The following GMDS variants were observed in gnomAD, a reference collection of about 807,000 sequenced individuals.
The protein encoded by GMDS is GDP-mannose 4,6-dehydratase.
A neutral mutation model predicts 49.9 loss-of-function variants in GMDS; 20 were observed. The ratio of observed to expected loss-of-function variants is 0.40; its 90% confidence interval spans 0.28 to 0.58. GMDS has a LOEUF of 0.58. Ranked by LOEUF, GMDS falls within the 20% of genes least tolerant of loss-of-function variation. The pLI, the probability that GMDS is intolerant of heterozygous loss-of-function variation, is 0.42. For synonymous variants in GMDS, 177 were observed against 178.6 expected (o/e 0.99, Z 0.07); for missense variants, 362 against 481.4 (o/e 0.75, Z 2.32).
At chr6:1,738,000 A>AC (rs372280444) in intron 8 of GMDS, among the ~76,000 whole-genome samples, 15 of 134,564 alleles carry the variant, frequency 1.1e-4, no homozygotes, top group African/African-American at 4.4e-4. Context: ...AACACACCAC[A>AC]CACACAGACA....
intron 8 of GMDS, among the ~76,000 whole-genome samples, chr6:1,739,596 C>T (rs1170536130): frequency 1.3e-5 from 2 of 152,254 alleles, no homozygotes; most frequent in East Asian, 3.8e-4. Flanking sequence ...AGCGACAGGT[C>T]TAGGGATAAC....
intron 1 of GMDS, among the ~76,000 whole-genome samples, chr6:2,159,290 T>C (rs573735118): frequency 6.6e-6 from 1 of 152,088 alleles, no homozygotes; most frequent in Non-Finnish European, 1.5e-5. Context: ...TCCCAAAAAT[T>C]TAACTGCTAA....
At chr6:1,729,752 T>A (rs9328068) in intron 8 of GMDS, among the ~76,000 whole-genome samples, 3 of 152,284 alleles carry the variant, frequency 2.0e-5, no homozygotes, top group East Asian at 3.9e-4. Flanking sequence ...CGAATTGAGA[T>A]CAACAGCTCA....
intron 6 of GMDS, chr6:1,952,154 C>T (rs1307507216): frequency 4.9e-6 from 1 of 205,418 alleles, no homozygotes; most frequent in African/African-American, 2.4e-5. Context: ...ATGAAAGAAG[C>T]TTTAAATTCC....
chr6:1,702,613 C>A lies in GMDS; in HGVS notation c.987+23803G>T, dbSNP rs150097563. Among the ~76,000 whole-genome samples, 945 of 152,316 alleles carry A rather than the reference C, an allele frequency of 6.2e-3. 10 individuals carry two copies. Among genetic ancestry groups the A allele is most frequent in the African/African-American group, 0.022 (906 of 41,572 alleles). ...GCCACCACGTTGTCCCTCTGTGGGT[C>A]CCCCAGCTGTGGTGGCATTAATACT... On this transcript the variant is annotated intron_variant, in intron 9 of 10. Transcript: ENST00000380815.
chr6:1,723,313 A>T lies in GMDS; in HGVS notation c.987+3103T>A, dbSNP rs114065410. Among the ~76,000 whole-genome samples, 6 of 71,536 alleles carry T rather than the reference A, an allele frequency of 8.4e-5. 1 individual carries two copies. The highest frequency in any genetic ancestry group is 2.7e-4 in the African/African-American group (6 of 22,106). 46.9% of individuals were successfully genotyped at this position (71,536 alleles called of 152,430 possible). A position where few individuals can be genotyped will look rare whatever the true frequency, so the allele number is the denominator to read the frequency against. On this transcript the variant is annotated intron_variant, in intron 9 of 10. Transcript: ENST00000380815. ...TGATGTGTCCTATTTTTTTTTTTTC[A>T]AATTTTCTTTATGGCATTTTTTTTT...
chr6:2,143,407 C>T (rs1581707201), intron 1 of GMDS, among the ~76,000 whole-genome samples: 2 of 152,226 alleles, frequency 1.3e-5, no homozygotes, highest in South Asian at 4.1e-4. Context: ...ACTCCCATCC[C>T]CATCATCTGG....
At chr6:1,829,127 C>T (rs1355649825) in intron 7 of GMDS, among the ~76,000 whole-genome samples, 1 of 152,108 alleles carries the variant, frequency 6.6e-6, no homozygotes, top group African/African-American at 2.4e-5. Context: ...ATTGACTAGG[C>T]TTGAGAGAAC....
chr6:1,648,627 C>T (rs1763558243), intron 9 of GMDS, among the ~76,000 whole-genome samples: 1 of 152,218 alleles, frequency 6.6e-6, no homozygotes, highest in Non-Finnish European at 1.5e-5. Context: ...ATGGCTCTTG[C>T]CTCCTTCTTT....
intron 7 of GMDS, among the ~76,000 whole-genome samples, chr6:1,839,359 A>G (rs1404306894): frequency 6.6e-6 from 1 of 152,184 alleles, no homozygotes; most frequent in African/African-American, 2.4e-5. Flanking sequence ...TACTGGGTTA[A>G]AAACTGTAAA....
chr6:1,888,238 C>T (rs773207271), intron 7 of GMDS, among the ~76,000 whole-genome samples: 2 of 151,574 alleles, frequency 1.3e-5, no homozygotes, highest in Admixed American at 6.6e-5. Context: ...TGTTTTCACA[C>T]TGCTATAATT....
chr6:2,009,904 C>T lies in GMDS; in HGVS notation c.346-48938G>A, dbSNP rs775896806. 2.6e-5 allele frequency among the ~76,000 whole-genome samples: 4 copies of T among 152,120 alleles called. No individual in the cohort carries two copies. The East Asian group carries it at 7.7e-4, about 29-fold the overall frequency. On this transcript the variant is annotated intron_variant, in intron 4 of 10. Transcript: ENST00000380815. ...TGACCAGTTGGAAAAAGTGGTCTAA[C>T]ATGCTATTGAAATACAAGAAAAATA...
At chr6:1,628,021 C>T (rs1034163282) in intron 9 of GMDS, among the ~76,000 whole-genome samples, 15 of 152,212 alleles carry the variant, frequency 9.9e-5, no homozygotes, top group South Asian at 2.1e-4. Flanking sequence ...TTCTGACTCA[C>T]GGACTGTGTG....
intron 7 of GMDS, among the ~76,000 whole-genome samples, chr6:1,746,794 CG>C (rs1465582531): frequency 5.3e-4 from 81 of 152,100 alleles, no homozygotes; most frequent in African/African-American, 1.7e-3. Flanking sequence ...CTCCGCCTCC[CG>C]GGTTCAAGCG....
chr6:2,232,161 T>A (rs1781138931), intron 1 of GMDS, among the ~76,000 whole-genome samples: 1 of 151,902 alleles, frequency 6.6e-6, no homozygotes, highest in Non-Finnish European at 1.5e-5. Context: ...AACGGGTTTT[T>A]TTTTTTAAAT....
intron 1 of GMDS, among the ~76,000 whole-genome samples, chr6:2,163,168 A>ATAATAAAC (rs1215601458): frequency 6.6e-6 from 1 of 152,186 alleles, no homozygotes; most frequent in Non-Finnish European, 1.5e-5. Context: ...CCAGGTGACA[A>ATAATAAAC]TAATAAACTG....
At chr6:1,675,634 C>T (rs1343535314) in intron 9 of GMDS, among the ~76,000 whole-genome samples, 2 of 152,132 alleles carry the variant, frequency 1.3e-5, no homozygotes, top group East Asian at 1.9e-4. Flanking sequence ...GGGTGGATCA[C>T]GAAGTCAGGA....
At chr6:2,203,762 G>C (rs567209232) in intron 1 of GMDS, among the ~76,000 whole-genome samples, 4 of 152,298 alleles carry the variant, frequency 2.6e-5, no homozygotes, top group African/African-American at 9.6e-5. Context: ...TTCACAGGTG[G>C]GTACATTTTA....
In GMDS at chr6:1,624,145, G is replaced by T; in HGVS notation, c.*24C>A. The T allele has an allele frequency of 6.2e-7, 1 of 1,600,686 alleles. No individual in the cohort carries two copies. Among genetic ancestry groups the T allele is most frequent in the South Asian group, 1.1e-5 (1 of 90,984 alleles). Reference sequence around the variant, plus strand: ...ACTCTGCGGGGATTGTAGCCGGAGGGCGGGCCGGGCTCCGAGGCGCTGCTC... The same window carrying T: ...ACTCTGCGGGGATTGTAGCCGGAGGTCGGGCCGGGCTCCGAGGCGCTGCTC... On this transcript the variant is annotated 3_prime_UTR_variant, in exon 11 of 11. Coordinates refer to ENST00000380815, the MANE Select transcript of GMDS (RefSeq NM_001500.4).
Sources: allele counts gnomAD v4.1 joint callset (sites outside exome capture counted in the v4.1 genomes callset), GRCh38; gene constraint gnomAD v4.1.1; transcripts MANE v1.5; gene names NCBI Gene and HGNC (gene_info 2026-07-23, HGNC 2026-07-21).